The following HLTF variants were observed in gnomAD, a reference collection of about 807,000 sequenced individuals.
HLTF encodes the protein helicase like transcription factor.
HLTF carries 127 observed loss-of-function variants against 129.4 expected under a neutral mutation model. That is an observed-to-expected ratio of 0.98 (90% CI 0.85 to 1.14). The LOEUF is 1.14. Among genes scored for constraint, HLTF ranks in the 50% most tolerant of loss-of-function variants. The pLI is 0.00. For missense variants in HLTF, 1,139 were observed against 1,187.1 expected (o/e 0.96, Z 0.60); for synonymous variants, 332 against 388.8 (o/e 0.85, Z 1.72).
intron 14 of HLTF, among the ~76,000 whole-genome samples, chr3:149,051,741 G>T (rs1325612302): frequency 6.6e-6 from 1 of 151,640 alleles, no homozygotes; most frequent in South Asian, 2.1e-4. Context: ...ATGGTGATGC[G>T]CACCTATAAT....
chr3:149,059,665 C>T, intron 13 of HLTF, 53 bp downstream of exon 13: 1 of 1,068,506 alleles, frequency 9.4e-7, no homozygotes, highest in Non-Finnish European at 1.4e-6. Context: ...TAAATTTTTT[C>T]ATTCAAAAAC....
At chr3:149,086,219 C>T in intron 1 of HLTF, 98 bp downstream of exon 1, 1 of 1,243,974 alleles carries the variant, frequency 8.0e-7, no homozygotes, top group Non-Finnish European at 1.2e-6. Flanking sequence ...CTGCACAAAT[C>T]GCCCAGGGAA....
intron 17 of HLTF, 44 bp downstream of exon 17, chr3:149,047,984 C>G (rs757167208): frequency 1.3e-6 from 2 of 1,500,084 alleles, no homozygotes; most frequent in East Asian, 4.7e-5. Flanking sequence ...AAGCTACTAA[C>G]AGTTATTTGT....
intron 14 of HLTF, among the ~76,000 whole-genome samples, chr3:149,054,807 C>T (rs970348448): frequency 2.0e-5 from 3 of 152,150 alleles, no homozygotes; most frequent in African/African-American, 7.2e-5. Context: ...AACTTAACCT[C>T]TCTGTGTTTC....
intron 2 of HLTF, among the ~76,000 whole-genome samples, chr3:149,079,976 T>G (rs2108068890): frequency 6.6e-6 from 1 of 151,966 alleles, no homozygotes; most frequent in Middle Eastern, 3.4e-3. Flanking sequence ...TTGTAATCCC[T>G]AAAGCAATCA....
chr3:149,043,083 A>G (rs1472024524), intron 18 of HLTF, among the ~76,000 whole-genome samples: 1 of 151,956 alleles, frequency 6.6e-6, no homozygotes, highest in Non-Finnish European at 1.5e-5. Flanking sequence ...ACCACTCAAT[A>G]AAACAATTCC....
At chr3:149,068,182 T>C in intron 8 of HLTF, 58 bp downstream of exon 8, 1 of 713,226 alleles carries the variant, frequency 1.4e-6, no homozygotes, top group Non-Finnish European at 2.4e-6. Context: ...ATGATGAAAT[T>C]TAAAGATTTC....
At chr3:149,035,033 C>T (rs1197582934) in intron 23 of HLTF, 35 bp from the exon 24 acceptor site, 3 of 1,414,492 alleles carry the variant, frequency 2.1e-6, no homozygotes, top group African/African-American at 2.8e-5. Flanking sequence ...TTTACTACTG[C>T]CCTGATCTTT....
Position 149,050,337 on chromosome 3 carries a change from C to G in HLTF, c.1512G>C (p.Leu504Phe), listed in dbSNP as rs775429236. Residue 504 changes from leucine (L) to phenylalanine (F), a missense_variant, in exon 15 of 25, where the codon TTG (leucine) becomes TTC (phenylalanine). Transcript: ENST00000310053. ...FGQHIKSDVH[L>F]NFYVYYGPDR... ...CAGGACCATAATAAACATAAAAATT[C>G]AAGTGTACATCTGATTTTATATGTT... The G allele has an allele frequency of 4.4e-6, 7 of 1,595,196 alleles. No homozygotes were observed. The highest frequency in any genetic ancestry group is 6.0e-6 in the Non-Finnish European group (7 of 1,167,680).
At chr3:149,057,375 G>A (rs528027820) in intron 13 of HLTF, among the ~76,000 whole-genome samples, 4 of 152,210 alleles carry the variant, frequency 2.6e-5, no homozygotes, top group African/African-American at 7.2e-5. Flanking sequence ...GCAGTGCGCC[G>A]TGATCGCACC....
At chr3:149,035,782 A>C (rs1715556823) in intron 23 of HLTF, among the ~76,000 whole-genome samples, 1 of 152,070 alleles carries the variant, frequency 6.6e-6, no homozygotes, top group South Asian at 2.1e-4. Context: ...AGCTGAGCTA[A>C]AAAAAGTACC....
chr3:149,031,252 A>G lies in HLTF; in HGVS notation c.*968T>C, dbSNP rs2806. On this transcript the variant is annotated 3_prime_UTR_variant, in exon 25 of 25. Transcript: ENST00000310053. ...AAAATCAAATTCTGATTCTAAACAC[A>G]TAACAATTGTTTACATTCAGGATTA... 2.0e-5 allele frequency: 3 copies of G among 152,776 alleles called. No homozygotes were observed. The South Asian group carries it at 6.2e-4, about 32-fold the overall frequency. 9.5% of individuals were successfully genotyped at this position (152,776 alleles called of 1,614,324 possible).
chr3:149,050,128 GA>G (rs1474354605), intron 15 of HLTF, 103 bp downstream of exon 15: 123 of 597,768 alleles, frequency 2.1e-4, no homozygotes, highest in Middle Eastern at 5.0e-4. Flanking sequence ...TATCTAAAGA[GA>G]AAAAAAAAGT....
At chr3:149,062,931 T>C (rs1303149255) in intron 10 of HLTF, 3 of 347,868 alleles carry the variant, frequency 8.6e-6, no homozygotes, top group African/African-American at 6.4e-5. Context: ...TCAGTATCAT[T>C]CTTCTTCATC....
In HLTF at chr3:149,086,342, T is replaced by C. The variant is rs1449586113; in HGVS notation, c.-6A>G. 6.3e-7 allele frequency: 1 copy of C among 1,593,024 alleles called. No individual in the cohort carries two copies. ...CTCTTGAACATCCAGGACATGGCGC[T>C]GAGTGGGATGACAAGAGGAGCGCCT... On this transcript the variant is annotated 5_prime_UTR_variant, in exon 1 of 25. Coordinates refer to ENST00000310053, the MANE Select transcript of HLTF (RefSeq NM_003071.4).
At chr3:149,045,101 T>G (rs1330529480) in intron 18 of HLTF, among the ~76,000 whole-genome samples, 1 of 152,080 alleles carries the variant, frequency 6.6e-6, no homozygotes, top group Non-Finnish European at 1.5e-5. Context: ...TTCCAATAAA[T>G]CTCTGATATC....
At chr3:149,069,685 A>T (rs1003377346) in intron 7 of HLTF, among the ~76,000 whole-genome samples, 4 of 152,184 alleles carry the variant, frequency 2.6e-5, no homozygotes, top group African/African-American at 9.6e-5. Context: ...CACTTTTTTC[A>T]TGCGACACCA....
At chr3:149,070,078 A>G (rs1227990208) in intron 7 of HLTF, among the ~76,000 whole-genome samples, 3 of 151,730 alleles carry the variant, frequency 2.0e-5, no homozygotes, top group Admixed American at 2.0e-4. Context: ...ATACACAAAT[A>G]GATTTTAACA....
At chr3:149,036,297 G>GTTTTTT (rs71135656) in intron 23 of HLTF, among the ~76,000 whole-genome samples, 1 of 107,986 alleles carries the variant, frequency 9.3e-6, no homozygotes, top group East Asian at 3.0e-4. Flanking sequence ...AAACTATGAG[G>GTTTTTT]TTTTTTTTTT....
Sources: allele counts gnomAD v4.1 joint callset (sites outside exome capture counted in the v4.1 genomes callset), GRCh38; gene constraint gnomAD v4.1.1; transcripts MANE v1.5; gene names NCBI Gene and HGNC (gene_info 2026-07-23, HGNC 2026-07-21).